CYB5A: variants seen among roughly 807,000 people sequenced by gnomAD.
CYB5A encodes the protein cytochrome b5 type A.
Under a neutral mutation model 16.2 loss-of-function variants are expected in CYB5A, and 10 were observed. The ratio of observed to expected loss-of-function variants is 0.62; its 90% CI spans 0.38 to 1.04. The LOEUF (loss-of-function observed/expected upper bound fraction) is 1.04, where lower values mean the gene tolerates loss of function less well. Ranked by LOEUF, CYB5A falls within the 50% of genes least tolerant of loss-of-function variation. CYB5A has a pLI of 0.01. For missense variants in CYB5A, 161 were observed against 165.9 expected (o/e 0.97, Z 0.16); for synonymous variants, 62 against 57.0 (o/e 1.09, Z -0.40).
At chr18:74,286,037 G>A (rs1267473698) in intron 1 of CYB5A, among the ~76,000 whole-genome samples, 1 of 152,142 alleles carries the variant, frequency 6.6e-6, no homozygotes, top group Admixed American at 6.5e-5. Context: ...ATTCAGGACT[G>A]GTCCCTCAAC....
intron 1 of CYB5A, 91 bp downstream of exon 1, chr18:74,291,656 G>A: frequency 6.3e-7 from 1 of 1,585,042 alleles, no homozygotes; most frequent in Non-Finnish European, 8.6e-7. Flanking sequence ...GTAGGTATGC[G>A]GACTCCGGGC....
rs1982172877 is a variant in CYB5A at position 74,260,908 on chromosome 18, C to A, written c.288+7G>T. On this transcript the variant is annotated splice_region_variant and intron_variant, in intron 3 of 4. Coordinates refer to ENST00000340533, the MANE Select transcript of CYB5A (RefSeq NM_148923.4). ...CATCCAGAGATACTTGAGATGGTCA[C>A]ACTTACCGGAGGCTTGTTTAACTTT... The A allele has an allele frequency of 6.2e-7, 1 of 1,610,862 alleles. No homozygotes were observed. The highest frequency in any genetic ancestry group is 8.5e-7 in the Non-Finnish European group (1 of 1,177,236).
rs112668802 is a variant in CYB5A, at chr18:74,287,389, A to T, written c.129+4358T>A. Among the ~76,000 whole-genome samples the T allele has an allele frequency of 4.8e-3, 732 of 152,304 alleles. 9 individuals carry two copies. Among genetic ancestry groups the T allele is most frequent in the African/African-American group, 0.017 (694 of 41,558 alleles). On this transcript the variant is annotated intron_variant, in intron 1 of 4. Coordinates refer to ENST00000340533, the MANE Select transcript of CYB5A (RefSeq NM_148923.4). ...AAAATTAAGGGCAATGAATTTCAGC[A>T]CCCATACTCTCTTCCTCGATTCCCA...
chr18:74,287,373 G>A (rs1454820688), intron 1 of CYB5A, among the ~76,000 whole-genome samples: 1 of 152,134 alleles, frequency 6.6e-6, no homozygotes, highest in Non-Finnish European at 1.5e-5. Context: ...CAAAATTAAG[G>A]GCAATGAATT....
intron 1 of CYB5A, among the ~76,000 whole-genome samples, chr18:74,288,862 C>T (rs1033593241): frequency 3.3e-5 from 5 of 152,170 alleles, no homozygotes; most frequent in African/African-American, 1.2e-4. Flanking sequence ...ATAATAAAGA[C>T]GGCAAATGGA....
chr18:74,276,340 C>A (rs1380301994), intron 1 of CYB5A, among the ~76,000 whole-genome samples: 2 of 152,028 alleles, frequency 1.3e-5, no homozygotes, highest in African/African-American at 2.4e-5. Flanking sequence ...TCTGAACATG[C>A]AAATAAAGTG....
At chr18:74,289,867 C>G (rs1983466433) in intron 1 of CYB5A, among the ~76,000 whole-genome samples, 1 of 151,650 alleles carries the variant, frequency 6.6e-6, no homozygotes. Context: ...CCTACAATGC[C>G]CAGGACAGAC....
chr18:74,279,370 A>C (rs1432525831), intron 1 of CYB5A, among the ~76,000 whole-genome samples: 1 of 152,208 alleles, frequency 6.6e-6, no homozygotes. Flanking sequence ...TCTACTAAAA[A>C]ATACAAAAAT....
chr18:74,276,785 A>G (rs1982898439), intron 1 of CYB5A, among the ~76,000 whole-genome samples: 1 of 152,198 alleles, frequency 6.6e-6, no homozygotes, highest in African/African-American at 2.4e-5. Context: ...GAGGAGAGCC[A>G]CTTTAACAGG....
intron 1 of CYB5A, among the ~76,000 whole-genome samples, chr18:74,269,417 T>TGTCTAGACACA (rs1403260189): frequency 8.6e-6 from 1 of 116,262 alleles, no homozygotes; most frequent in Non-Finnish European, 2.0e-5. Context: ...CCATCTGCGT[T>TGTCTAGACACA]GGCTCTCCTG....
chr18:74,265,421 G>A (rs1982395356), intron 1 of CYB5A, among the ~76,000 whole-genome samples: 1 of 152,230 alleles, frequency 6.6e-6, no homozygotes, highest in African/African-American at 2.4e-5. Flanking sequence ...TACAGAGGCA[G>A]AGGTGCCTAG....
chr18:74,269,248 TG>T (rs1388238928), intron 1 of CYB5A, among the ~76,000 whole-genome samples: 1 of 152,154 alleles, frequency 6.6e-6, no homozygotes, highest in South Asian at 2.1e-4. Context: ...TTTTGCACAG[TG>T]GTTCTCTTCT....
At chr18:74,261,323 TATG>T (rs1275292066) in intron 2 of CYB5A, 1 of 285,020 alleles carries the variant, frequency 3.5e-6, no homozygotes, top group Non-Finnish European at 6.9e-6. Context: ...CTCTTACGTG[TATG>T]ATATCTTCAG....
chr18:74,259,285 C>A (rs1982106857), intron 3 of CYB5A: 1 of 152,222 alleles, frequency 6.6e-6, no homozygotes, highest in Admixed American at 6.5e-5. Context: ...GCACAAAGGG[C>A]TGTGCCTCAA....
At chr18:74,262,986 CA>C in intron 2 of CYB5A, among the ~76,000 whole-genome samples, 1 of 152,078 alleles carries the variant, frequency 6.6e-6, no homozygotes, top group Non-Finnish European at 1.5e-5. Flanking sequence ...CCCGTCTCTA[CA>C]AAAACTATGA....
At chr18:74,283,326 AC>A (rs1424713055) in intron 1 of CYB5A, among the ~76,000 whole-genome samples, 1 of 152,174 alleles carries the variant, frequency 6.6e-6, no homozygotes, top group East Asian at 1.9e-4. Context: ...CCTCACACAT[AC>A]CCACTACACG....
chr18:74,270,087 G>A (rs942829331), intron 1 of CYB5A, among the ~76,000 whole-genome samples: 11 of 152,058 alleles, frequency 7.2e-5, no homozygotes, highest in African/African-American at 2.4e-4. Flanking sequence ...GGTCATGGCC[G>A]CACAGCCTCT....
At chr18:74,256,862 G>C in intron 3 of CYB5A, 1 of 1,613,160 alleles carries the variant, frequency 6.2e-7, no homozygotes, top group Non-Finnish European at 8.5e-7. Flanking sequence ...TCCTGACACA[G>C]TAGGGGAAAA....
In CYB5A at chr18:74,269,568, C is replaced by G. The variant is rs113325746; in HGVS notation, c.130-6091G>C. 6.4e-3 allele frequency among the ~76,000 whole-genome samples: 977 copies of G among 152,302 alleles called. 11 individuals are homozygous for G. The highest frequency in any genetic ancestry group is 0.021 in the African/African-American group (882 of 41,562). On this transcript the variant is annotated intron_variant, in intron 1 of 4. Coordinates refer to ENST00000340533, the MANE Select transcript of CYB5A (RefSeq NM_148923.4). Reference sequence around the variant, plus strand: ...AATGCACACTCCAGCGTAACAGGACCAAATGGCATGTCTCACTTTCCCCCC... The same window carrying G: ...AATGCACACTCCAGCGTAACAGGACGAAATGGCATGTCTCACTTTCCCCCC...
Sources: gnomAD v4.1 joint callset for allele counts (sites outside exome capture counted in the v4.1 genomes callset) on GRCh38, gnomAD v4.1.1 for gene constraint, MANE v1.5 for transcripts, NCBI Gene and HGNC (gene_info 2026-07-23, HGNC 2026-07-21) for gene names.